Variants in LZTS1 observed in about 807,000 individuals in gnomAD.
LZTS1 encodes leucine zipper putative tumor suppressor 1.
A neutral mutation model predicts 45.8 loss-of-function variants in LZTS1; 31 were observed. That is an observed-to-expected ratio of 0.68 (90% confidence interval 0.51 to 0.91). The LOEUF (loss-of-function observed/expected upper bound fraction) is 0.91. Ranked by LOEUF, LZTS1 falls within the 40% of genes least tolerant of loss-of-function variation. The pLI is 0.00. For missense variants in LZTS1, 821 were observed against 788.9 expected (o/e 1.04, Z -0.49); for synonymous variants, 359 against 357.3 (o/e 1.00, Z -0.05).
chr8:20,253,308 C>T lies in LZTS1; in HGVS notation c.623G>A (p.Gly208Asp). Residue 208 changes from glycine to aspartate, a missense_variant, in exon 3 of 4, where the codon GGC (glycine) becomes GAC (aspartate). Transcript: ENST00000381569. ...TPVGPTSRFGGSAHNITQGIV... is the reference protein window; with the variant it reads ...TPVGPTSRFGDSAHNITQGIV... Reference sequence around the variant, plus strand: ...GCCCTGGGTGATGTTGTGGGCGGAGCCCCCAAAACGGCTTGTGGGTCCCAC... The same window carrying T: ...GCCCTGGGTGATGTTGTGGGCGGAGTCCCCAAAACGGCTTGTGGGTCCCAC... 6.2e-7 allele frequency: 1 copy of T among 1,613,998 alleles called. No individual in the cohort carries two copies. Among genetic ancestry groups the T allele is most frequent in the Non-Finnish European group, 8.5e-7 (1 of 1,180,040 alleles).
intron 1 of LZTS1, among the ~76,000 whole-genome samples, chr8:20,273,357 A>G (rs11785891): frequency 0.34 from 51,012 of 151,954 alleles, 10,085 homozygotes; most frequent in Non-Finnish European, 0.43. Flanking sequence ...CTGCATCCAC[A>G]TGGGGATGAT....
intron 1 of LZTS1, among the ~76,000 whole-genome samples, chr8:20,269,298 G>A (rs372851427): frequency 1.3e-5 from 2 of 152,128 alleles, no homozygotes; most frequent in African/African-American, 2.4e-5. Context: ...ACAGGGGAGT[G>A]GGTGCAATCT....
intron 1 of LZTS1, chr8:20,290,256 G>A (rs1221490334): frequency 6.6e-6 from 1 of 152,216 alleles, no homozygotes; most frequent in African/African-American, 2.4e-5. Context: ...TAGGACTTGG[G>A]TGGGAGAATG....
At chr8:20,277,972 T>G (rs572686770) in intron 1 of LZTS1, among the ~76,000 whole-genome samples, 95 of 152,246 alleles carry the variant, frequency 6.2e-4, no homozygotes, top group Middle Eastern at 3.4e-3. Flanking sequence ...ACTGTATGTA[T>G]CACTTAGCAC....
chr8:20,252,551 G>A (rs969394874), intron 3 of LZTS1, among the ~76,000 whole-genome samples: 1 of 152,200 alleles, frequency 6.6e-6, no homozygotes, highest in African/African-American at 2.4e-5. Flanking sequence ...TTGGGAAACT[G>A]AAATCTAGGA....
Position 20,265,676 on chromosome 8 carries a change from C to CAAAAAAAAAA in LZTS1, c.-134-10371_-134-10362dup, listed in dbSNP as rs71222140. On this transcript the variant is annotated intron_variant, in intron 1 of 3. Transcript: ENST00000381569. ...CCTGGGCAACAGAGAGACTCTGTCT[C>CAAAAAAAAAA]AAAAAAAAAAAAAAAAAAAAAAAAA... 1.4e-4 allele frequency among the ~76,000 whole-genome samples: 6 copies of CAAAAAAAAAA among 42,990 alleles called. 2 individuals carry two copies. The highest frequency in any genetic ancestry group is 2.4e-4 in the Non-Finnish European group (6 of 25,468). 28.2% of individuals were successfully genotyped at this position (42,990 alleles called of 152,430 possible).
rs774082505 is a variant in LZTS1 at position 20,252,969 on chromosome 8, G to A, written c.962C>T (p.Ser321Leu). The stretch of plus-strand genomic sequence containing the variant: ...CTGCTGCGCGCGCTGGCTCTTCTGC[G>A]AGGCCTGCTTGAGCTTGTTGCCGCC... The part of the protein sequence containing the change: ...PKGGNKLKQA[S>L]QKSQRAQQVL... The change falls in exon 3 of 4, where the codon TCG becomes TTG. Residue 321 changes from serine (S) to leucine (L), a missense_variant. Coordinates refer to ENST00000381569, the MANE Select transcript of LZTS1 (RefSeq NM_021020.5). 30 of 1,588,016 alleles carry A rather than the reference G, an allele frequency of 1.9e-5. No individual in the cohort carries two copies. Among genetic ancestry groups the A allele is most frequent in the East Asian group, 1.4e-4 (6 of 44,438 alleles).
At position 20,303,756 on chromosome 8, in the gene LZTS1, G is replaced by A; in HGVS notation, c.-151C>T. On this transcript the variant is annotated 5_prime_UTR_variant, in exon 1 of 4. Coordinates refer to ENST00000381569, the MANE Select transcript of LZTS1 (RefSeq NM_021020.5). ...GCACCTTACCTGCCCCCTGCGCCTC[G>A]GGCGCACTTGAGACTTTTTTTTTTT... 2 of 985,322 alleles carry A rather than the reference G, an allele frequency of 2.0e-6. No individual in the cohort carries two copies. Among genetic ancestry groups the A allele is most frequent in the Non-Finnish European group, 2.4e-6 (2 of 830,150 alleles). 61.0% of individuals were successfully genotyped at this position (985,322 alleles called of 1,614,324 possible). A position where few individuals can be genotyped will look rare whatever the true frequency, so the allele number is the denominator to read the frequency against.
intron 1 of LZTS1, among the ~76,000 whole-genome samples, chr8:20,268,515 T>C (rs922193419): frequency 6.7e-6 from 1 of 150,298 alleles, no homozygotes; most frequent in African/African-American, 2.5e-5. Flanking sequence ...CTGCTCTAGA[T>C]GAGGGGGAAA....
At chr8:20,296,823 A>G (rs1355909756) in intron 1 of LZTS1, among the ~76,000 whole-genome samples, 1 of 152,198 alleles carries the variant, frequency 6.6e-6, no homozygotes, top group East Asian at 1.9e-4. Flanking sequence ...GGCGATCTCC[A>G]TGGGGCAGCT....
intron 1 of LZTS1, among the ~76,000 whole-genome samples, chr8:20,293,520 C>T (rs188355831): frequency 2.7e-4 from 41 of 152,276 alleles, no homozygotes; most frequent in Admixed American, 9.1e-4. Context: ...TTTTGTCTCA[C>T]CCCCAATACC....
chr8:20,255,408 A>G, intron 1 of LZTS1, 93 bp from the exon 2 acceptor site: 1 of 874,134 alleles, frequency 1.1e-6, no homozygotes, highest in Non-Finnish European at 1.7e-6. Context: ...GTAGAGAAAC[A>G]CATGTCAGAG....
chr8:20,250,110 A>G lies in LZTS1; in HGVS notation c.1403T>C (p.Val468Ala). 1 of 1,607,228 alleles carries G rather than the reference A, an allele frequency of 6.2e-7. No homozygotes were observed. The highest frequency in any genetic ancestry group is 8.5e-7 in the Non-Finnish European group (1 of 1,179,258). The change falls in exon 4 of 4, where the codon GTG becomes GCG. Residue 468 changes from valine to alanine, a missense_variant. By Grantham distance (64) the Val-to-Ala change is moderately conservative. Transcript: ENST00000381569. Reference protein sequence around the residue: ...KNEAELLREKVNLLEQELQEL... With the variant: ...KNEAELLREKANLLEQELQEL... ...CTGCAGCTCCTGCTCCAGCAGGTTC[A>G]CCTTCTCCCGCAGCAGCTCCGCCTC... is the stretch of plus-strand genomic sequence containing the variant.
chr8:20,256,060 C>CAAAAAAAAAAAAAAAAAAAAA (rs386412254), intron 1 of LZTS1, among the ~76,000 whole-genome samples: 4 of 56,454 alleles, frequency 7.1e-5, no homozygotes, highest in Non-Finnish European at 9.6e-5. Context: ...GGGCCTGACT[C>CAAAAAAAAAAAAAAAAAAAAA]AAAAAAAAAA....
intron 1 of LZTS1, among the ~76,000 whole-genome samples, chr8:20,299,259 G>A (rs1467859009): frequency 6.6e-6 from 1 of 152,208 alleles, no homozygotes; most frequent in Non-Finnish European, 1.5e-5. Context: ...CTGCTTCGCT[G>A]ACTCCCTTCA....
In LZTS1 at chr8:20,265,676, CAAAAAAA is replaced by C. The variant is rs71222140; in HGVS notation, c.-134-10368_-134-10362del. Among the ~76,000 whole-genome samples, 152 of 42,996 alleles carry C rather than the reference CAAAAAAA, an allele frequency of 3.5e-3. 1 individual carries two copies. The highest frequency in any genetic ancestry group is 0.014 in the African/African-American group (149 of 10,780). The allele number at this position is 42,996 out of a possible 152,430, so 28.2% of individuals were successfully genotyped here. ...CCTGGGCAACAGAGAGACTCTGTCT[CAAAAAAA>C]AAAAAAAAAAAAAAAAAAAGGCAGG... On this transcript the variant is annotated intron_variant, in intron 1 of 3. Coordinates refer to ENST00000381569, the MANE Select transcript of LZTS1 (RefSeq NM_021020.5).
intron 1 of LZTS1, among the ~76,000 whole-genome samples, chr8:20,301,120 C>CAAAAAA (rs71222143): frequency 1.9e-5 from 2 of 107,130 alleles, no homozygotes; most frequent in African/African-American, 7.2e-5. Context: ...GACTCCGTCT[C>CAAAAAA]AAAAAAAAAA....
At chr8:20,270,799 CTGTGTGTGTG>C (rs1281545019) in intron 1 of LZTS1, among the ~76,000 whole-genome samples, 1 of 122,998 alleles carries the variant, frequency 8.1e-6, no homozygotes, top group African/African-American at 3.0e-5. Context: ...AGTGTGTCCT[CTGTGTGTGTG>C]TGTGTGTGTG....
rs1800069531 is a variant in LZTS1 at position 20,255,252 on chromosome 8, C to T, written c.-71G>A. On this transcript the variant is annotated 5_prime_UTR_variant, in exon 2 of 4. Transcript: ENST00000381569. ...AAAGGCTGTGGCAGCAAGGGGCAGTCGTGGCTCCGTGAGGGGACTGAGGTC... is the reference window on the plus strand; with the variant it reads ...AAAGGCTGTGGCAGCAAGGGGCAGTTGTGGCTCCGTGAGGGGACTGAGGTC... The T allele has an allele frequency of 3.9e-6, 6 of 1,524,574 alleles. No individual in the cohort carries two copies. Among genetic ancestry groups the T allele is most frequent in the South Asian group, 2.5e-5 (2 of 78,452 alleles). The allele number at this position is 1,524,574 out of a possible 1,614,324, so 94.4% of individuals were successfully genotyped here. A position where few individuals can be genotyped will look rare whatever the true frequency, so the allele number is the denominator to read the frequency against.
Sources: gnomAD v4.1 joint callset for allele counts (sites outside exome capture counted in the v4.1 genomes callset) on GRCh38, gnomAD v4.1.1 for gene constraint, MANE v1.5 for transcripts, NCBI Gene and HGNC (gene_info 2026-07-23, HGNC 2026-07-21) for gene names.